DPYD: variants seen among roughly 807,000 people sequenced by gnomAD.
DPYD encodes dihydropyrimidine dehydrogenase [NADP(+)].
DPYD carries 109 observed loss-of-function variants against 116.2 expected under a neutral mutation model. The observed-to-expected ratio is 0.94, with a 90% CI of 0.80 to 1.10. The LOEUF (loss-of-function observed/expected upper bound fraction) is 1.10. DPYD is among the 50% of genes least tolerant of loss of function. DPYD has a pLI of 0.00. For missense variants in DPYD, 1,302 were observed against 1,254.5 expected, an observed-to-expected ratio of 1.04 and a Z score of -0.57; for synonymous variants, 440 against 432.0, an observed-to-expected ratio of 1.02 and a Z score of -0.23.
At chr1:97,370,621 A>C (rs1331977487) in intron 16 of DPYD, among the ~76,000 whole-genome samples, 3 of 152,100 alleles carry the variant, frequency 2.0e-5, no homozygotes, top group Non-Finnish European at 4.4e-5. Context: ...GCACTTGTTT[A>C]TTTCTTTGTT....
chr1:97,124,287 T>C (rs1652668463), intron 20 of DPYD, among the ~76,000 whole-genome samples: 1 of 152,064 alleles, frequency 6.6e-6, no homozygotes, highest in South Asian at 2.1e-4. Flanking sequence ...CAGATTTTAG[T>C]CCCTAATAAA....
intron 5 of DPYD, among the ~76,000 whole-genome samples, chr1:97,714,431 C>T (rs1462682461): frequency 6.6e-6 from 1 of 151,716 alleles, no homozygotes; most frequent in Non-Finnish European, 1.5e-5. Flanking sequence ...CCAAGATGGT[C>T]TTGATTTGAC....
chr1:97,594,503 T>C (rs926329585), intron 9 of DPYD, among the ~76,000 whole-genome samples: 13 of 152,160 alleles, frequency 8.5e-5, no homozygotes, highest in Non-Finnish European at 1.5e-4. Context: ...AAAATATACA[T>C]TTGAAGGATT....
At chr1:97,426,915 CTT>C (rs1430101443) in intron 14 of DPYD, among the ~76,000 whole-genome samples, 1 of 152,014 alleles carries the variant, frequency 6.6e-6, no homozygotes, top group Non-Finnish European at 1.5e-5. Context: ...TTTATAATGT[CTT>C]TAACTTTTTA....
chr1:97,682,842 C>T (rs1186828133), intron 7 of DPYD, among the ~76,000 whole-genome samples: 2 of 151,946 alleles, frequency 1.3e-5, no homozygotes, highest in Non-Finnish European at 2.9e-5. Flanking sequence ...TTAGATATTT[C>T]CTACCTAAAT....
chr1:97,358,396 C>A (rs993542545), intron 16 of DPYD, among the ~76,000 whole-genome samples: 1 of 152,218 alleles, frequency 6.6e-6, no homozygotes, highest in Non-Finnish European at 1.5e-5. Flanking sequence ...CAAAAGGCAG[C>A]AGAAACTTCT....
intron 3 of DPYD, among the ~76,000 whole-genome samples, chr1:97,753,628 A>C (rs1417705203): frequency 1.3e-5 from 2 of 152,156 alleles, no homozygotes; most frequent in Non-Finnish European, 2.9e-5. Flanking sequence ...GCAAACAAAA[A>C]TTCCTCATTT....
At chr1:97,333,236 T>G (rs1669111993) in intron 16 of DPYD, among the ~76,000 whole-genome samples, 1 of 151,688 alleles carries the variant, frequency 6.6e-6, no homozygotes, top group Admixed American at 6.6e-5. Flanking sequence ...TTTTTGTATT[T>G]TAATATTTGG....
intron 1 of DPYD, among the ~76,000 whole-genome samples, chr1:97,890,336 T>C (rs1225061104): frequency 6.6e-6 from 1 of 152,010 alleles, no homozygotes; most frequent in Non-Finnish European, 1.5e-5. Context: ...AGCCATATAC[T>C]TTATTCACTG....
intron 14 of DPYD, among the ~76,000 whole-genome samples, chr1:97,448,971 CAA>C (rs1429028806): frequency 4.0e-5 from 6 of 151,416 alleles, no homozygotes; most frequent in Admixed American, 1.3e-4. Context: ...TATTTTATTT[CAA>C]GTTTATTTTA....
intron 12 of DPYD, among the ~76,000 whole-genome samples, chr1:97,526,667 C>T (rs980998075): frequency 2.0e-5 from 3 of 152,058 alleles, no homozygotes; most frequent in East Asian, 1.9e-4. Flanking sequence ...TATTCAACTA[C>T]GTGGCTACTG....
intron 8 of DPYD, among the ~76,000 whole-genome samples, chr1:97,661,437 T>A (rs548721653): frequency 9.3e-4 from 141 of 152,298 alleles, no homozygotes; most frequent in African/African-American, 3.2e-3. Flanking sequence ...AATGCATATT[T>A]TCCTCCCCTA....
intron 21 of DPYD, among the ~76,000 whole-genome samples, chr1:97,097,944 T>A (rs917590622): frequency 6.6e-6 from 1 of 152,092 alleles, no homozygotes; most frequent in East Asian, 1.9e-4. Context: ...ATGAAAAGTT[T>A]AAGGAAAAAA....
intron 20 of DPYD, among the ~76,000 whole-genome samples, chr1:97,189,596 T>C (rs1033630682): frequency 5.3e-5 from 8 of 152,236 alleles, no homozygotes; most frequent in African/African-American, 1.9e-4. Flanking sequence ...AGTAATGTTT[T>C]CTTTTCTGAA....
intron 20 of DPYD, among the ~76,000 whole-genome samples, chr1:97,140,276 A>G (rs1329756117): frequency 2.6e-5 from 4 of 152,090 alleles, no homozygotes; most frequent in African/African-American, 9.7e-5. Context: ...TTTGCTTATG[A>G]TGACAGAGAC....
chr1:97,675,148 T>G (rs1355846192), intron 8 of DPYD, among the ~76,000 whole-genome samples: 2 of 152,204 alleles, frequency 1.3e-5, no homozygotes, highest in Non-Finnish European at 2.9e-5. Context: ...TTTCTGGTTA[T>G]TTTTATAAAA....
At chr1:97,751,772 ATTT>A (rs71071670) in intron 3 of DPYD, among the ~76,000 whole-genome samples, 1 of 144,812 alleles carries the variant, frequency 6.9e-6, no homozygotes, top group Non-Finnish European at 1.5e-5. Context: ...TCTAAAAACG[ATTT>A]TTTTTTTTTG....
chr1:97,308,430 T>C (rs1667292543), intron 16 of DPYD: 1 of 151,808 alleles, frequency 6.6e-6, no homozygotes, highest in East Asian at 1.9e-4. Context: ...CAAGGGTAAG[T>C]ACAGTTTGGC....
At chr1:97,364,801 A>G (rs1670938795) in intron 16 of DPYD, among the ~76,000 whole-genome samples, 2 of 152,138 alleles carry the variant, frequency 1.3e-5, no homozygotes, top group East Asian at 1.9e-4. Flanking sequence ...TCTTCAGCCA[A>G]TACTCCTAAG....
Sources: allele counts gnomAD v4.1 joint callset (sites outside exome capture counted in the v4.1 genomes callset), GRCh38; gene constraint gnomAD v4.1.1; transcripts MANE v1.5; gene names NCBI Gene and HGNC (gene_info 2026-07-23, HGNC 2026-07-21).